The following OGT variants were observed in gnomAD, a reference collection of about 807,000 sequenced individuals.
The protein encoded by OGT is O-linked N-acetylglucosamine (GlcNAc) transferase, also known as UDP-N-acetylglucosamine--peptide N-acetylglucosaminyltransferase 110 kDa subunit.
OGT carries 3 observed loss-of-function variants against 75.8 expected under a neutral mutation model. That is an observed-to-expected ratio of 0.04 (90% CI 0.02 to 0.10). OGT has a LOEUF of 0.10. Ranked by LOEUF, OGT falls within the 10% of genes least tolerant of loss-of-function variation. The probability of loss-of-function intolerance (pLI) is 1.00; values close to 1 mark genes in which losing one functional copy is unlikely to be tolerated. For synonymous variants in OGT, 257 were observed against 289.7 expected (o/e 0.89, Z 1.15); for missense variants, 260 against 824.4 (o/e 0.32, Z 8.38).
At chrX:71,551,775 T>A (rs1382079513) in intron 5 of OGT, among the ~76,000 whole-genome samples, 1 of 112,376 alleles carries the variant, frequency 8.9e-6, no homozygotes, top group African/African-American at 3.2e-5. Context: ...AGCTTCTGGT[T>A]CTACCTACCA....
intron 3 of OGT, among the ~76,000 whole-genome samples, chrX:71,540,079 T>C (rs1278661569): frequency 8.9e-6 from 1 of 112,587 alleles, no homozygotes; most frequent in African/African-American, 3.2e-5. Flanking sequence ...TTGAATGCAT[T>C]GAATGGCCAT....
Position 71,559,511 on chromosome X carries a change from C to T in OGT, c.1762-77C>T, listed in dbSNP as rs1020264315. 12 of 1,141,835 alleles carry T rather than the reference C, an allele frequency of 1.1e-5. No individual in the cohort carries two copies. In the African/African-American group the frequency reaches 1.8e-4, roughly 17 times the overall value. The allele number at this position is 1,141,835 out of a possible 1,213,427, so 94.1% of individuals were successfully genotyped here. A position where few individuals can be genotyped will look rare whatever the true frequency, so the allele number is the denominator to read the frequency against. ...GGCTTGTCACCATGAGGCATGGAAA[C>T]CTAGTGTCTTTTGGAAAGATTTGAG... On this transcript the variant is annotated intron_variant, in intron 13 of 21. Coordinates refer to ENST00000373719, the MANE Select transcript of OGT (RefSeq NM_181672.3).
At chrX:71,569,284 C>T (rs925139136) in intron 21 of OGT, among the ~76,000 whole-genome samples, 1 of 111,667 alleles carries the variant, frequency 9.0e-6, no homozygotes, top group Admixed American at 9.5e-5. Context: ...GCTGAGATTG[C>T]GTCACTGCAC....
Position 71,538,872 on chromosome X carries a change from T to G in OGT, c.462+800T>G, listed in dbSNP as rs1354373903. Among the ~76,000 whole-genome samples, 14 of 112,295 alleles carry G rather than the reference T, an allele frequency of 1.2e-4. No individual in the cohort carries two copies. In the Admixed American group the frequency reaches 1.3e-3, roughly 11 times the overall value. On this transcript the variant is annotated intron_variant, in intron 3 of 21. Transcript: ENST00000373719. ...ACCTGGAAATGGCTAATAGTTTATT[T>G]TAGCTACCGTTTACTGAAAGTCTGT...
intron 14 of OGT, among the ~76,000 whole-genome samples, chrX:71,560,632 A>G (rs980119061): frequency 2.7e-5 from 3 of 112,214 alleles, no homozygotes; most frequent in African/African-American, 9.7e-5. Context: ...CTGAAGTCCT[A>G]GCAGAAAGGT....
chrX:71,556,657 G>C, intron 8 of OGT, 23 bp from the exon 9 acceptor site: 2 of 1,064,224 alleles, frequency 1.9e-6, no homozygotes, highest in Non-Finnish European at 2.5e-6. Context: ...TTTAACCTCA[G>C]TTCTGATCTT....
chrX:71,567,510 G>T lies in OGT; in HGVS notation c.2600G>T (p.Arg867Leu). 1 of 1,131,731 alleles carries T rather than the reference G, an allele frequency of 8.8e-7. No individual in the cohort carries two copies. Among genetic ancestry groups the T allele is most frequent in the South Asian group, 2.4e-5 (1 of 42,386 alleles). The allele number at this position is 1,131,731 out of a possible 1,213,427, so 93.3% of individuals were successfully genotyped here. A position where few individuals can be genotyped will look rare whatever the true frequency, so the allele number is the denominator to read the frequency against. Residue 867 changes from arginine to leucine, a missense_variant, in exon 20 of 22, where the codon CGT (arginine) becomes CTT (leucine). Around this residue, in one of 6 missense-constraint regions of OGT, gnomAD observed 79 missense variants for 141.0 expected, o/e 0.56. Transcript: ENST00000373719. The part of the protein sequence containing the change: ...TLQMWANILK[R>L]VPNSVLWLLR... ...TTTTCCCTATTTTAGATTCTGAAGC[G>T]TGTTCCCAATAGTGTACTCTGGCTG...
intron 5 of OGT, among the ~76,000 whole-genome samples, chrX:71,552,113 T>G (rs2147679276): frequency 9.2e-6 from 1 of 108,635 alleles, no homozygotes; most frequent in Non-Finnish European, 1.9e-5. Context: ...TCCCAGCTAC[T>G]TAGGAGGCTG....
At chrX:71,537,784 C>G (rs764047457) in intron 2 of OGT, 45 bp from the exon 3 acceptor site, 15 of 1,198,394 alleles carry the variant, frequency 1.3e-5, no homozygotes, top group Middle Eastern at 2.3e-4. Context: ...ACCTTCTTTT[C>G]TGTAACGTGC....
chrX:71,573,675 A>G lies in OGT; in HGVS notation c.3022A>G (p.Asn1008Asp), dbSNP rs1379952665. 1 of 1,209,220 alleles carries G rather than the reference A, an allele frequency of 8.3e-7. No individual in the cohort carries two copies. Among genetic ancestry groups the G allele is most frequent in the Non-Finnish European group, 1.1e-6 (1 of 894,070 alleles). Residue 1008 changes from asparagine (N) to aspartate (D), a missense_variant, in exon 22 of 22, where the codon AAC becomes GAC. This residue lies in a region of OGT where 34 missense variants were observed against 57.5 expected (regional missense o/e 0.59). Transcript: ENST00000373719. The part of the protein sequence containing the change: ...WKQRISSPLF[N>D]TKQYTMELER... ...GCAAAGAATATCTAGCCCTCTGTTCAACACCAAACAATACACAATGGAACT... is the reference window on the plus strand; with the variant it reads ...GCAAAGAATATCTAGCCCTCTGTTCGACACCAAACAATACACAATGGAACT...
Position 71,573,800 on chromosome X carries a change from G to T in OGT, c.*6G>T. 1 of 1,178,135 alleles carries T rather than the reference G, an allele frequency of 8.5e-7. No homozygotes were observed. Among genetic ancestry groups the T allele is most frequent in the Non-Finnish European group, 1.1e-6 (1 of 876,396 alleles). On this transcript the variant is annotated 3_prime_UTR_variant, in exon 22 of 22. Transcript: ENST00000373719. ...AAGTCACTGAGTCAGCATAAATAAA[G>T]ACTGCACAGGAGAATTACCCCTATA...
intron 21 of OGT, among the ~76,000 whole-genome samples, chrX:71,572,010 C>T (rs1323043060): frequency 1.8e-5 from 2 of 110,865 alleles, no homozygotes; most frequent in Non-Finnish European, 3.8e-5. Context: ...ACCTTGTGAT[C>T]CACCTGCCTC....
chrX:71,560,933 CTT>C (rs1274625056), intron 14 of OGT, among the ~76,000 whole-genome samples: 1 of 103,990 alleles, frequency 9.6e-6, no homozygotes. Context: ...ATTACTCACC[CTT>C]TTTTTTTTTG....
At chrX:71,533,372 C>T (rs373060690) in intron 1 of OGT, 36 bp downstream of exon 1, 407 of 1,148,313 alleles carry the variant, frequency 3.5e-4, no homozygotes, top group Non-Finnish European at 4.5e-4. Context: ...CAGATGCCCC[C>T]TTGGGGTCTC....
chrX:71,537,919 G>A lies in OGT; in HGVS notation c.309G>A (p.Gly103=). The part of the protein sequence containing the change: ...SNLGNVYKER[G]QLQEAIEHYR... ...TGGGGAATGTGTACAAGGAAAGAGG[G>A]CAGTTGCAGGAGGCAATTGAGCATT... Residue 103 remains glycine (G), a synonymous_variant, in exon 3 of 22, where the codon GGG becomes GGA. Transcript: ENST00000373719. 1 of 1,211,791 alleles carries A rather than the reference G, an allele frequency of 8.3e-7. No individual in the cohort carries two copies. Among genetic ancestry groups the A allele is most frequent in the Non-Finnish European group, 1.1e-6 (1 of 895,419 alleles).
intron 3 of OGT, among the ~76,000 whole-genome samples, chrX:71,541,897 A>T (rs1254506707): frequency 9.0e-6 from 1 of 111,370 alleles, no homozygotes; most frequent in African/African-American, 3.3e-5. Flanking sequence ...AATCTTGCTC[A>T]TTTCTATCTC....
intron 1 of OGT, among the ~76,000 whole-genome samples, chrX:71,535,513 C>T (rs1273364394): frequency 8.9e-6 from 1 of 112,145 alleles, no homozygotes; most frequent in Non-Finnish European, 1.9e-5. Flanking sequence ...TGGCTGTTGT[C>T]AAATGACAAA....
At chrX:71,559,109 A>G (rs763857519) in intron 12 of OGT, among the ~76,000 whole-genome samples, 158 bp from the exon 13 acceptor site, 1 of 109,506 alleles carries the variant, frequency 9.1e-6, no homozygotes, top group Admixed American at 9.9e-5. Flanking sequence ...CATATTACAT[A>G]AAGTGCTGAG....
intron 14 of OGT, among the ~76,000 whole-genome samples, chrX:71,561,201 T>A (rs932409318): frequency 4.5e-5 from 5 of 110,728 alleles, no homozygotes; most frequent in Admixed American, 3.9e-4. Context: ...GGGCTGGGAT[T>A]ACAGATGTGA....
Sources: allele counts gnomAD v4.1 joint callset (sites outside exome capture counted in the v4.1 genomes callset), GRCh38; gene constraint gnomAD v4.1.1; regional missense constraint gnomAD v4.1.1; transcripts MANE v1.5; gene names NCBI Gene and HGNC (gene_info 2026-07-23, HGNC 2026-07-21).